Variants in BMP7 observed in about 807,000 individuals in gnomAD.
BMP7 encodes bone morphogenetic protein 7.
A neutral mutation model predicts 41.2 loss-of-function variants in BMP7; 12 were observed. The observed-to-expected ratio is 0.29, with a 90% CI of 0.19 to 0.47. BMP7 has a LOEUF of 0.47. BMP7 is among the 20% of genes least tolerant of loss of function. The pLI is 0.99. For missense variants in BMP7, 467 were observed against 606.0 expected, an observed-to-expected ratio of 0.77 and a Z score of 2.41; for synonymous variants, 248 against 250.0, an observed-to-expected ratio of 0.99 and a Z score of 0.07.
chr20:57,250,012 A>T (rs549817122), intron 1 of BMP7, among the ~76,000 whole-genome samples: 2 of 152,220 alleles, frequency 1.3e-5, no homozygotes, highest in Non-Finnish European at 2.9e-5. Flanking sequence ...AAAGACAGAC[A>T]GACTTGCCAT....
chr20:57,226,413 A>G (rs2123115622), intron 2 of BMP7, among the ~76,000 whole-genome samples: 2 of 152,318 alleles, frequency 1.3e-5, no homozygotes, highest in East Asian at 1.9e-4. Context: ...CCACAATTCT[A>G]TCTCTAGAAC....
rs565098133 is a variant in BMP7 at position 57,241,508 on chromosome 20, G to A, written c.419-13087C>T. ...TGGCAAAGGGCACACAGGCAGCATT[G>A]TCTCCCCTGTTCCTGAACTGCTTCA... On this transcript the variant is annotated intron_variant, in intron 1 of 6. Coordinates refer to ENST00000395863, the MANE Select transcript of BMP7 (RefSeq NM_001719.3). Among the ~76,000 whole-genome samples, 106 of 152,290 alleles carry A rather than the reference G, an allele frequency of 7.0e-4. 1 individual carries two copies. Among genetic ancestry groups the A allele is most frequent in the Non-Finnish European group, 1.4e-3 (93 of 68,016 alleles).
chr20:57,210,100 C>A (rs1984843353), intron 2 of BMP7, among the ~76,000 whole-genome samples: 1 of 152,178 alleles, frequency 6.6e-6, no homozygotes, highest in Admixed American at 6.5e-5. Context: ...AAAGAAACAG[C>A]AAGACCCCAA....
intron 2 of BMP7, among the ~76,000 whole-genome samples, chr20:57,217,994 T>A (rs1388568603): frequency 6.6e-6 from 1 of 152,228 alleles, no homozygotes; most frequent in African/African-American, 2.4e-5. Context: ...GAAAGGTATC[T>A]GTATAAAGAT....
intron 3 of BMP7, among the ~76,000 whole-genome samples, chr20:57,198,729 C>T (rs1395363167): frequency 6.6e-6 from 1 of 152,164 alleles, no homozygotes; most frequent in Non-Finnish European, 1.5e-5. Flanking sequence ...AAGGAGGACG[C>T]CATCTGGGCT....
chr20:57,233,249 A>G (rs981578452), intron 1 of BMP7, among the ~76,000 whole-genome samples: 1 of 152,082 alleles, frequency 6.6e-6, no homozygotes, highest in Non-Finnish European at 1.5e-5. Context: ...CTCCAGTTAC[A>G]TCCCAGCACC....
At chr20:57,234,606 A>G (rs767873300) in intron 1 of BMP7, among the ~76,000 whole-genome samples, 1 of 152,060 alleles carries the variant, frequency 6.6e-6, no homozygotes, top group South Asian at 2.1e-4. Flanking sequence ...CACAAGCCCA[A>G]TTGTATACAC....
At chr20:57,230,269 G>A (rs2066024042) in intron 1 of BMP7, among the ~76,000 whole-genome samples, 1 of 152,144 alleles carries the variant, frequency 6.6e-6, no homozygotes, top group Non-Finnish European at 1.5e-5. Context: ...CCATGGGGAT[G>A]TCACCAATCT....
intron 4 of BMP7, chr20:57,177,902 G>C (rs1983970423): frequency 6.6e-6 from 1 of 152,246 alleles, no homozygotes; most frequent in South Asian, 2.1e-4. Flanking sequence ...GCCATTGCTA[G>C]GGGCTGCTTC....
chr20:57,218,875 G>C (rs112479844), intron 2 of BMP7, among the ~76,000 whole-genome samples: 1 of 151,402 alleles, frequency 6.6e-6, no homozygotes, highest in South Asian at 2.1e-4. Flanking sequence ...GGTGTTTGGT[G>C]GTAGCTGGTG....
intron 6 of BMP7, among the ~76,000 whole-genome samples, chr20:57,172,025 A>G (rs1983826371): frequency 1.3e-5 from 2 of 152,336 alleles, no homozygotes; most frequent in South Asian, 4.1e-4. Context: ...CAATCCCTGG[A>G]GAATTCACTT....
chr20:57,185,935 A>G (rs1407674831), intron 3 of BMP7, among the ~76,000 whole-genome samples: 2 of 152,020 alleles, frequency 1.3e-5, no homozygotes, highest in Non-Finnish European at 2.9e-5. Flanking sequence ...ATGCTAGCTC[A>G]GGGCAGAGCT....
chr20:57,174,785 G>A lies in BMP7; in HGVS notation c.1035+146C>T. The stretch of plus-strand genomic sequence containing the variant: ...TTCATGAGGCCTCCCTGTATCCTTA[G>A]CCCAAGTCCCCTTCCCTAGCGAGGC... On this transcript the variant is annotated intron_variant, in intron 5 of 6. Transcript: ENST00000395863. This position sits in a 1 kb window ranked among gnomAD's most constrained non-coding sequence, Gnocchi z 4.3. 1.1e-6 allele frequency: 1 copy of A among 876,146 alleles called. No homozygotes were observed. Among genetic ancestry groups the A allele is most frequent in the Non-Finnish European group, 1.8e-6 (1 of 547,482 alleles). 54.3% of individuals were successfully genotyped at this position (876,146 alleles called of 1,614,324 possible).
intron 1 of BMP7, among the ~76,000 whole-genome samples, chr20:57,256,170 G>A (rs536432169): frequency 1.3e-5 from 2 of 152,232 alleles, no homozygotes; most frequent in Non-Finnish European, 2.9e-5. Context: ...GAGGAGGCAA[G>A]AGGAACCCAC....
chr20:57,194,012 G>A (rs771090445), intron 3 of BMP7, among the ~76,000 whole-genome samples: 46 of 152,182 alleles, frequency 3.0e-4, no homozygotes, highest in Non-Finnish European at 5.3e-4. Flanking sequence ...ACCTTCCTCC[G>A]TCCATGAACG....
Position 57,238,401 on chromosome 20 carries a change from T to C in BMP7, c.419-9980A>G, listed in dbSNP as rs572950220. ...ACATTTTTGTGATTGCGAGTAATGC[T>C]GCTGTGACTATGGGTGTGCAAATAT... On this transcript the variant is annotated intron_variant, in intron 1 of 6. Transcript: ENST00000395863. Among the ~76,000 whole-genome samples the C allele has an allele frequency of 5.3e-5, 8 of 152,370 alleles. No individual in the cohort carries two copies. In the East Asian group the frequency reaches 1.2e-3, roughly 22 times the overall value.
chr20:57,181,902 G>A (rs575168767), intron 4 of BMP7, among the ~76,000 whole-genome samples: 10 of 152,352 alleles, frequency 6.6e-5, no homozygotes, highest in South Asian at 2.1e-4. Context: ...AAGGGCAGTC[G>A]TAACTCCCCT....
intron 1 of BMP7, among the ~76,000 whole-genome samples, chr20:57,231,792 G>A (rs923786680): frequency 2.0e-5 from 3 of 152,258 alleles, no homozygotes; most frequent in Non-Finnish European, 4.4e-5. Flanking sequence ...AGTGCTGGAT[G>A]AACCCAGCTT....
intron 1 of BMP7, among the ~76,000 whole-genome samples, chr20:57,249,683 CATCTCCA>C (rs1437088464): frequency 6.6e-6 from 1 of 152,188 alleles, no homozygotes; most frequent in Non-Finnish European, 1.5e-5. Flanking sequence ...AACTTCCAGG[CATCTCCA>C]ATGAATTACA....
Sources: allele counts gnomAD v4.1 joint callset (sites outside exome capture counted in the v4.1 genomes callset), GRCh38; gene constraint gnomAD v4.1.1; non-coding constraint Gnocchi (gnomAD v3.1); transcripts MANE v1.5; gene names NCBI Gene and HGNC (gene_info 2026-07-23, HGNC 2026-07-21).